The following PDLIM1 variants were observed in gnomAD, a reference collection of about 807,000 sequenced individuals.
The protein encoded by PDLIM1 is PDZ and LIM domain protein 1.
PDLIM1 carries 25 observed loss-of-function variants against 35.2 expected under a neutral mutation model. That is an observed-to-expected ratio of 0.71 (90% CI 0.52 to 0.99). PDLIM1 has a LOEUF of 0.99. Ranked by LOEUF, PDLIM1 falls within the 50% of genes least tolerant of loss-of-function variation. The probability of loss-of-function intolerance (pLI) is 0.00; values close to 1 mark genes in which losing one functional copy is unlikely to be tolerated. For synonymous variants in PDLIM1, 152 were observed against 154.0 expected (o/e 0.99, Z 0.10); for missense variants, 363 against 415.3 (o/e 0.87, Z 1.09).
chr10:95,273,058 A>C (rs1388032421), intron 1 of PDLIM1: 1 of 152,222 alleles, frequency 6.6e-6, no homozygotes, highest in African/African-American at 2.4e-5. Context: ...ATCTCTAACC[A>C]AGGTATCTGG....
intron 1 of PDLIM1, among the ~76,000 whole-genome samples, chr10:95,288,998 C>A (rs1302922333): frequency 1.3e-5 from 2 of 152,180 alleles, no homozygotes; most frequent in African/African-American, 4.8e-5. Flanking sequence ...AAGGTAAAAA[C>A]CAATGAATTC....
rs2035275834 is a variant in PDLIM1, at chr10:95,252,481, A to G, written c.534-5115T>C. On this transcript the variant is annotated intron_variant, in intron 4 of 6. Coordinates refer to ENST00000329399, the MANE Select transcript of PDLIM1 (RefSeq NM_020992.4). ...CGATCCAGAATCTAATAACATAGTA[A>G]CAAGAATGTTCAAGATTCAGTTGAA... 2.0e-5 allele frequency among the ~76,000 whole-genome samples: 3 copies of G among 152,246 alleles called. No individual in the cohort carries two copies. The South Asian group carries it at 6.2e-4, about 32-fold the overall frequency.
intron 2 of PDLIM1, among the ~76,000 whole-genome samples, chr10:95,270,365 A>G (rs1202622162): frequency 6.6e-6 from 1 of 151,952 alleles, no homozygotes; most frequent in Non-Finnish European, 1.5e-5. Context: ...AACATACTTC[A>G]CAGATGAGAA....
At position 95,238,684 on chromosome 10, in the gene PDLIM1, C is replaced by T; in HGVS notation, c.687G>A (p.Gly229=). 1.9e-6 allele frequency: 3 copies of T among 1,601,372 alleles called. No homozygotes were observed. The highest frequency in any genetic ancestry group is 2.7e-5 in the African/African-American group (2 of 74,718). ...LQEILESEEK[G]DPNKPSGFRS... ...TGAATCCTGAGGGCTTGTTGGGATC[C>T]CCTGAAATGAGGAAAACACTGTCAT... The change falls in exon 6 of 7, where the codon GGG becomes GGA. Residue 229 remains glycine (G), a splice_region_variant and synonymous_variant. Coordinates refer to ENST00000329399, the MANE Select transcript of PDLIM1 (RefSeq NM_020992.4).
At chr10:95,260,771 T>G (rs1172803301) in intron 4 of PDLIM1, among the ~76,000 whole-genome samples, 3 of 152,258 alleles carry the variant, frequency 2.0e-5, no homozygotes, top group African/African-American at 7.2e-5. Flanking sequence ...GAGCCAATTC[T>G]GGAACTTCAG....
At chr10:95,252,158 TAG>T (rs1464037022) in intron 4 of PDLIM1, among the ~76,000 whole-genome samples, 6 of 152,296 alleles carry the variant, frequency 3.9e-5, no homozygotes, top group South Asian at 2.1e-4. Context: ...GAAAGCCCAA[TAG>T]AGAGTCCATA....
chr10:95,272,452 C>A (rs45609537), intron 1 of PDLIM1, among the ~76,000 whole-genome samples: 1 of 152,010 alleles, frequency 6.6e-6, no homozygotes, highest in Non-Finnish European at 1.5e-5. Flanking sequence ...CCAAGGCAGG[C>A]GGATCACCTG....
intron 4 of PDLIM1, among the ~76,000 whole-genome samples, chr10:95,250,498 G>A (rs1206691282): frequency 2.0e-5 from 3 of 151,470 alleles, no homozygotes; most frequent in Non-Finnish European, 4.4e-5. Context: ...AAGATCCAAC[G>A]TCTAAGTCTT....
At chr10:95,269,630 G>C (rs2035445826) in intron 2 of PDLIM1, among the ~76,000 whole-genome samples, 1 of 148,744 alleles carries the variant, frequency 6.7e-6, no homozygotes, top group South Asian at 2.1e-4. Context: ...TATTTTCTTT[G>C]TACCAACCAC....
At chr10:95,275,617 C>G (rs774460432) in intron 1 of PDLIM1, among the ~76,000 whole-genome samples, 2 of 152,170 alleles carry the variant, frequency 1.3e-5, no homozygotes, top group Non-Finnish European at 2.9e-5. Flanking sequence ...TCATTTCCCT[C>G]TACACTGCTA....
At chr10:95,254,367 A>C (rs1312607585) in intron 4 of PDLIM1, among the ~76,000 whole-genome samples, 1 of 152,238 alleles carries the variant, frequency 6.6e-6, no homozygotes, top group Non-Finnish European at 1.5e-5. Flanking sequence ...TGATAAGTAT[A>C]CCTCTGAACA....
At chr10:95,251,753 G>C (rs2035269956) in intron 4 of PDLIM1, among the ~76,000 whole-genome samples, 1 of 152,222 alleles carries the variant, frequency 6.6e-6, no homozygotes, top group South Asian at 2.1e-4. Flanking sequence ...ATTTTTCCCT[G>C]TTTCACCCAG....
At chr10:95,252,983 T>C (rs2035279467) in intron 4 of PDLIM1, among the ~76,000 whole-genome samples, 1 of 152,154 alleles carries the variant, frequency 6.6e-6, no homozygotes. Context: ...GAAGAAATCA[T>C]GTCTGAAGGT....
In PDLIM1 at chr10:95,247,272, G is replaced by A; in HGVS notation, c.628C>T (p.Pro210Ser). 1.2e-6 allele frequency: 2 copies of A among 1,614,078 alleles called. No individual in the cohort carries two copies. Among genetic ancestry groups the A allele is most frequent in the Non-Finnish European group, 1.7e-6 (2 of 1,179,992 alleles). ...ACCAAGAAAGACGTGGACTGTTTCG[G>A]GGGCTCATTCAACTCCTGTTTCTCC... ...LQEKQELNEP[P>S]KQSTSFLVLQ... is the part of the protein sequence containing the mutation. Residue 210 changes from proline to serine, a missense_variant, in exon 5 of 7, where the codon CCG becomes TCG. Physicochemically the swap from Pro to Ser is moderately conservative, Grantham distance 74. Transcript: ENST00000329399.
intron 4 of PDLIM1, among the ~76,000 whole-genome samples, chr10:95,249,406 G>C (rs1008371322): frequency 1.3e-5 from 2 of 152,210 alleles, no homozygotes; most frequent in African/African-American, 4.8e-5. Flanking sequence ...TGATGCAGAT[G>C]GATAGATTTG....
At chr10:95,248,330 G>A (rs546549600) in intron 4 of PDLIM1, among the ~76,000 whole-genome samples, 3 of 152,270 alleles carry the variant, frequency 2.0e-5, no homozygotes, top group Non-Finnish European at 2.9e-5. Context: ...CTGTAACCTC[G>A]AACTACTGGC....
intron 5 of PDLIM1, among the ~76,000 whole-genome samples, chr10:95,246,768 A>G (rs1287248674): frequency 1.3e-5 from 2 of 152,170 alleles, no homozygotes; most frequent in Non-Finnish European, 2.9e-5. Flanking sequence ...ACATGCCCCC[A>G]AGCAAAGCCA....
intron 5 of PDLIM1, among the ~76,000 whole-genome samples, chr10:95,240,258 T>C (rs186541052): frequency 6.6e-5 from 10 of 152,294 alleles, no homozygotes; most frequent in Admixed American, 2.0e-4. Context: ...CCATCAATGA[T>C]AGACTGGATA....
intron 5 of PDLIM1, 90 bp downstream of exon 5, chr10:95,247,125 T>C (rs1170143506): frequency 1.7e-6 from 2 of 1,152,238 alleles, no homozygotes; most frequent in Non-Finnish European, 2.5e-6. Context: ...CAAAGCAGGC[T>C]CCAGAGTGTG....
Sources: gnomAD v4.1 joint callset for allele counts (sites outside exome capture counted in the v4.1 genomes callset) on GRCh38, gnomAD v4.1.1 for gene constraint, MANE v1.5 for transcripts, NCBI Gene and HGNC (gene_info 2026-07-23, HGNC 2026-07-21) for gene names.